The following BMP2K variants were observed in gnomAD, a reference collection of about 807,000 sequenced individuals.
BMP2K encodes the protein BMP-2-inducible protein kinase.
A neutral mutation model predicts 116.0 loss-of-function variants in BMP2K; 74 were observed. The ratio of observed to expected loss-of-function variants is 0.64; its 90% CI spans 0.53 to 0.77. BMP2K has a LOEUF of 0.77. Among genes scored for constraint, BMP2K ranks in the 30% least tolerant of loss-of-function variants. BMP2K has a pLI of 0.00. For synonymous variants in BMP2K, 486 were observed against 502.5 expected (o/e 0.97, Z 0.44); for missense variants, 1,365 against 1,403.6 (o/e 0.97, Z 0.44).
intron 15 of BMP2K, among the ~76,000 whole-genome samples, chr4:78,891,454 A>AT (rs758997185): frequency 7.7e-4 from 117 of 152,016 alleles, no homozygotes; most frequent in Non-Finnish European, 1.3e-3. Flanking sequence ...TGCTTTGGTA[A>AT]TTTTTTCTTC....
intron 1 of BMP2K, among the ~76,000 whole-genome samples, chr4:78,783,451 A>C (rs536342697): frequency 1.3e-5 from 2 of 152,322 alleles, no homozygotes; most frequent in East Asian, 3.9e-4. Context: ...AATTATTCTA[A>C]ATTTTCAGTA....
At chr4:78,813,662 C>T (rs2109977162) in intron 1 of BMP2K, among the ~76,000 whole-genome samples, 1 of 152,288 alleles carries the variant, frequency 6.6e-6, no homozygotes, top group South Asian at 2.1e-4. Flanking sequence ...GTCTGCATGG[C>T]CCATTCCCTC....
chr4:78,876,303 T>C (rs988513645), intron 13 of BMP2K, among the ~76,000 whole-genome samples: 8 of 152,060 alleles, frequency 5.3e-5, no homozygotes, highest in African/African-American at 1.9e-4. Flanking sequence ...TGATCTGTGT[T>C]TTAAGGAGAG....
intron 6 of BMP2K, among the ~76,000 whole-genome samples, chr4:78,847,593 AG>A (rs369914349): frequency 1.4e-4 from 22 of 151,744 alleles, no homozygotes; most frequent in African/African-American, 4.8e-4. Context: ...AATATGGAAA[AG>A]CTGGACATAA....
At chr4:78,782,557 C>G (rs527564562) in intron 1 of BMP2K, among the ~76,000 whole-genome samples, 6 of 152,284 alleles carry the variant, frequency 3.9e-5, no homozygotes, top group African/African-American at 1.4e-4. Flanking sequence ...AGGTTTTGTA[C>G]TTAGGCCAGA....
At chr4:78,867,038 G>C (rs1026296942) in intron 10 of BMP2K, among the ~76,000 whole-genome samples, 3 of 152,000 alleles carry the variant, frequency 2.0e-5, no homozygotes, top group African/African-American at 7.2e-5. Context: ...TGGCATGGTG[G>C]TACACACCTG....
At chr4:78,883,108 C>G (rs1029398755) in intron 14 of BMP2K, among the ~76,000 whole-genome samples, 3 of 152,040 alleles carry the variant, frequency 2.0e-5, no homozygotes, top group African/African-American at 7.2e-5. Context: ...TTTTTGCTAT[C>G]TGTATCAATT....
chr4:78,893,672 C>T (rs1458399491), intron 15 of BMP2K, among the ~76,000 whole-genome samples: 2 of 152,200 alleles, frequency 1.3e-5, no homozygotes, highest in African/African-American at 4.8e-5. Flanking sequence ...CAGTGATCCT[C>T]CCGCCTCAGC....
At chr4:78,838,397 A>G (rs997506375) in intron 3 of BMP2K, among the ~76,000 whole-genome samples, 4 of 152,202 alleles carry the variant, frequency 2.6e-5, no homozygotes, top group Non-Finnish European at 4.4e-5. Context: ...TACTACATGT[A>G]TTACAGATCA....
intron 4 of BMP2K, 57 bp from the exon 5 acceptor site, chr4:78,844,871 T>C: frequency 6.8e-7 from 1 of 1,471,080 alleles, no homozygotes; most frequent in East Asian, 2.3e-5. Flanking sequence ...ACAAAGATTG[T>C]AAAAAGTTAA....
At chr4:78,876,131 A>C (rs775421595) in intron 13 of BMP2K, among the ~76,000 whole-genome samples, 1 of 152,234 alleles carries the variant, frequency 6.6e-6, no homozygotes, top group Non-Finnish European at 1.5e-5. Flanking sequence ...ATAGGAATCC[A>C]TAAATTTATT....
chr4:78,904,255 A>G (rs1734171801), intron 15 of BMP2K, among the ~76,000 whole-genome samples: 1 of 151,960 alleles, frequency 6.6e-6, no homozygotes, highest in Non-Finnish European at 1.5e-5. Flanking sequence ...AAGAAAGATC[A>G]TAGTAAACCT....
intron 1 of BMP2K, among the ~76,000 whole-genome samples, chr4:78,792,921 C>T (rs1322404275): frequency 1.3e-5 from 2 of 152,150 alleles, no homozygotes; most frequent in Non-Finnish European, 2.9e-5. Flanking sequence ...TTTTCCTCTA[C>T]TTACCTGTGT....
At chr4:78,865,796 C>T in intron 10 of BMP2K, 76 bp downstream of exon 10, 1 of 1,435,442 alleles carries the variant, frequency 7.0e-7, no homozygotes, top group Non-Finnish European at 9.6e-7. Context: ...TTCCTGACCT[C>T]AGGTGATCCT....
intron 1 of BMP2K, among the ~76,000 whole-genome samples, chr4:78,817,463 A>G (rs1030370098): frequency 2.0e-5 from 3 of 152,214 alleles, no homozygotes; most frequent in Non-Finnish European, 4.4e-5. Context: ...TTACTCTTCT[A>G]TCAGAAGGGA....
chr4:78,844,925 A>G lies in BMP2K; in HGVS notation c.547-3A>G. ...TACTCATTATTGATTTTCTTTTCTT[A>G]AGGTAGAAAATATTTTGTTGAATGA... is the stretch of plus-strand genomic sequence containing the variant. On this transcript the variant is annotated splice_polypyrimidine_tract_variant and splice_region_variant and intron_variant, in intron 4 of 15. Transcript: ENST00000502613. 6.3e-7 allele frequency: 1 copy of G among 1,589,840 alleles called. No individual in the cohort carries two copies. The highest frequency in any genetic ancestry group is 1.1e-5 in the South Asian group (1 of 89,082).
intron 1 of BMP2K, among the ~76,000 whole-genome samples, chr4:78,796,193 A>G (rs993063098): frequency 1.3e-5 from 2 of 152,154 alleles, no homozygotes; most frequent in South Asian, 2.1e-4. Context: ...CATATACACC[A>G]TGGAATACTA....
intron 15 of BMP2K, among the ~76,000 whole-genome samples, chr4:78,907,304 A>C (rs1353088684): frequency 6.6e-6 from 1 of 152,214 alleles, no homozygotes; most frequent in Non-Finnish European, 1.5e-5. Flanking sequence ...AATGAGAAGT[A>C]TAAAGTGACA....
chr4:78,801,590 A>G (rs557825706), intron 1 of BMP2K, among the ~76,000 whole-genome samples: 5 of 152,064 alleles, frequency 3.3e-5, no homozygotes, highest in Non-Finnish European at 7.4e-5. Context: ...CTTTCTCATT[A>G]TAGGTTTAAT....
Sources: gnomAD v4.1 joint callset for allele counts (sites outside exome capture counted in the v4.1 genomes callset) on GRCh38, gnomAD v4.1.1 for gene constraint, MANE v1.5 for transcripts, NCBI Gene and HGNC (gene_info 2026-07-23, HGNC 2026-07-21) for gene names.